The following STON1 variants were observed in gnomAD, a reference collection of about 807,000 sequenced individuals.
STON1 encodes stonin 1, also known as stonin-1.
Under a neutral mutation model 60.9 loss-of-function variants are expected in STON1, and 79 were observed. The observed-to-expected ratio is 1.30, with a 90% CI of 1.08 to 1.56. The LOEUF is 1.56. Among genes scored for constraint, STON1 ranks in the 40% most tolerant of loss-of-function variants. The pLI is 0.00. For synonymous variants in STON1, 363 were observed against 306.9 expected, an observed-to-expected ratio of 1.18 and a Z score of -1.91; for missense variants, 1,166 against 858.9, an observed-to-expected ratio of 1.36 and a Z score of -4.47.
At chr2:48,568,484 T>C (rs759325544) in intron 1 of STON1, among the ~76,000 whole-genome samples, 6 of 151,706 alleles carry the variant, frequency 4.0e-5, no homozygotes, top group Non-Finnish European at 7.4e-5. Context: ...ACTCTTGAGG[T>C]TGGAGGGGAG....
At chr2:48,550,954 C>T (rs1215974127) in intron 1 of STON1, among the ~76,000 whole-genome samples, 1 of 151,794 alleles carries the variant, frequency 6.6e-6, no homozygotes, top group Non-Finnish European at 1.5e-5. Context: ...CACTCTTTTT[C>T]TTTTCTTTTT....
chr2:48,582,502 A>C lies in STON1; in HGVS notation c.1869A>C (p.Lys623Asn). 1 of 1,614,186 alleles carries C rather than the reference A, an allele frequency of 6.2e-7. No homozygotes were observed. The highest frequency in any genetic ancestry group is 8.5e-7 in the Non-Finnish European group (1 of 1,179,998). The change falls in exon 2 of 4, where the codon AAA (lysine) becomes AAC (asparagine). Residue 623 changes from lysine (K) to asparagine (N), a missense_variant. Transcript: ENST00000404752. ...TTCAAGTCACTGTGGGGTCAGCAAAATATGAGAGTGCCTACCAGGCAGTGG... is the reference window on the plus strand; with the variant it reads ...TTCAAGTCACTGTGGGGTCAGCAAACTATGAGAGTGCCTACCAGGCAGTGG... ...PVIQVTVGSAKYESAYQAVVW... is the reference protein window; with the variant it reads ...PVIQVTVGSANYESAYQAVVW...
chr2:48,560,545 TGCCTCCTTCTGAAGGCCAGGGGTGG>T (rs1028693222), intron 1 of STON1, among the ~76,000 whole-genome samples: 11 of 152,352 alleles, frequency 7.2e-5, no homozygotes, highest in African/African-American at 2.4e-4. Context: ...CCTGCTTGTC[TGCCTCCTTCTGAAGGCCAGGGGTGG>T]GCTACATTTT....
At position 48,598,343 on chromosome 2, in the gene STON1, A is replaced by G. The variant is rs1282845428; in HGVS notation, c.*3041A>G. Reference sequence around the variant, plus strand: ...CTTGTGATACAGCCCCTTTTCTTATAAAGTCAGTTAGAAGGACTTCCTTAA... The same window carrying G: ...CTTGTGATACAGCCCCTTTTCTTATGAAGTCAGTTAGAAGGACTTCCTTAA... On this transcript the variant is annotated 3_prime_UTR_variant, in exon 4 of 4. Coordinates refer to ENST00000404752, the MANE Select transcript of STON1 (RefSeq NM_006873.4). 6.6e-6 allele frequency: 1 copy of G among 152,626 alleles called. No individual in the cohort carries two copies. The highest frequency in any genetic ancestry group is 1.5e-5 in the Non-Finnish European group (1 of 68,052). 9.5% of individuals were successfully genotyped at this position (152,626 alleles called of 1,614,324 possible).
chr2:48,553,168 G>C (rs940896252), intron 1 of STON1, among the ~76,000 whole-genome samples: 2 of 152,104 alleles, frequency 1.3e-5, no homozygotes, highest in African/African-American at 4.8e-5. Flanking sequence ...CAGTGACAGC[G>C]CCCACCAGAT....
intron 1 of STON1, among the ~76,000 whole-genome samples, chr2:48,564,489 C>CTTCTTCT (rs1672797119): frequency 4.0e-5 from 1 of 25,006 alleles, no homozygotes; most frequent in Admixed American, 4.0e-4. Context: ...CTTTCTTCTT[C>CTTCTTCT]TTCTTCTTCT....
At chr2:48,582,785 A>G (rs1199739328) in intron 2 of STON1, among the ~76,000 whole-genome samples, 1 of 152,206 alleles carries the variant, frequency 6.6e-6, no homozygotes, top group African/African-American at 2.4e-5. Context: ...TTTAAATATC[A>G]TACGAAATAC....
chr2:48,590,496 A>G (rs575771688), intron 2 of STON1, among the ~76,000 whole-genome samples: 1 of 152,284 alleles, frequency 6.6e-6, no homozygotes, highest in South Asian at 2.1e-4. Flanking sequence ...GGTTCTTGAA[A>G]TTACTCTTTA....
chr2:48,578,871 G>A (rs567872316), intron 1 of STON1, among the ~76,000 whole-genome samples: 9 of 152,080 alleles, frequency 5.9e-5, no homozygotes, highest in African/African-American at 9.6e-5. Context: ...GATTATAGGC[G>A]TGAGCCACTG....
chr2:48,564,476 C>CT (rs1558604671), intron 1 of STON1, among the ~76,000 whole-genome samples: 1 of 50,354 alleles, frequency 2.0e-5, no homozygotes, highest in African/African-American at 7.7e-5. Flanking sequence ...TCTTCTTCTT[C>CT]TTCTTTCTTC....
At chr2:48,549,759 G>A (rs1672014513) in intron 1 of STON1, among the ~76,000 whole-genome samples, 1 of 136,516 alleles carries the variant, frequency 7.3e-6, no homozygotes, top group Non-Finnish European at 1.5e-5. Context: ...GTTGCAGCAA[G>A]CCAAGATTGT....
intron 1 of STON1, among the ~76,000 whole-genome samples, chr2:48,571,857 G>A (rs11681426): frequency 0.33 from 49,410 of 151,960 alleles, 8,165 homozygotes; most frequent in East Asian, 0.42. Context: ...TAAGAGAAAC[G>A]GAAGCAAGTG....
chr2:48,544,326 GC>G, intron 1 of STON1, among the ~76,000 whole-genome samples: 1 of 152,250 alleles, frequency 6.6e-6, no homozygotes, highest in African/African-American at 2.4e-5. Context: ...CACAAAAATA[GC>G]TTTTCCATTG....
chr2:48,567,303 G>A (rs935502716), intron 1 of STON1, among the ~76,000 whole-genome samples: 6 of 152,182 alleles, frequency 3.9e-5, no homozygotes, highest in African/African-American at 1.4e-4. Flanking sequence ...TGAAGGTGAG[G>A]CTTTTTGATT....
chr2:48,552,752 A>G (rs1043553745), intron 1 of STON1, among the ~76,000 whole-genome samples: 1 of 152,238 alleles, frequency 6.6e-6, no homozygotes, highest in African/African-American at 2.4e-5. Context: ...CCTGGGCAAC[A>G]GAGTGAGACT....
At position 48,548,923 on chromosome 2, in the gene STON1, T is replaced by C. The variant is rs1050159518; in HGVS notation, c.-48+18707T>C. Among the ~76,000 whole-genome samples, 13 of 152,218 alleles carry C rather than the reference T, an allele frequency of 8.5e-5. 1 individual carries two copies. The highest frequency in any genetic ancestry group is 3.1e-4 in the African/African-American group (13 of 41,436). On this transcript the variant is annotated intron_variant, in intron 1 of 3. Coordinates refer to ENST00000404752, the MANE Select transcript of STON1 (RefSeq NM_006873.4). The stretch of plus-strand genomic sequence containing the variant: ...CTCTTGGTATCCGAGTGAATAGGAA[T>C]GTGGGCGGCTTCTAAGCTCCTTTGT...
At chr2:48,553,306 T>C (rs1275165609) in intron 1 of STON1, among the ~76,000 whole-genome samples, 1 of 152,098 alleles carries the variant, frequency 6.6e-6, no homozygotes, top group East Asian at 1.9e-4. Context: ...CTCAAGAGTT[T>C]AGACAGAAAG....
chr2:48,564,863 G>A (rs1009333801), intron 1 of STON1, among the ~76,000 whole-genome samples: 4 of 148,418 alleles, frequency 2.7e-5, no homozygotes, highest in South Asian at 2.1e-4. Context: ...CTCCTGAGTA[G>A]CTGGAATTAC....
chr2:48,582,189 C>A lies in STON1; in HGVS notation c.1556C>A (p.Thr519Asn). 6.2e-7 allele frequency: 1 copy of A among 1,614,156 alleles called. No individual in the cohort carries two copies. ...ACRFELMRFKTLYNGDNLPFS... is the reference protein window; with the variant it reads ...ACRFELMRFKNLYNGDNLPFS... ...CGGTTTGAGCTGATGCGTTTCAAGA[C>A]TTTGTATAATGGGGATAATCTTCCC... Residue 519 changes from threonine (T) to asparagine (N), a missense_variant, in exon 2 of 4, where the codon ACT becomes AAT. Physicochemically the swap from Thr to Asn is moderately conservative, Grantham distance 65 (BLOSUM62 0). Coordinates refer to ENST00000404752, the MANE Select transcript of STON1 (RefSeq NM_006873.4).
Sources: gnomAD v4.1 joint callset for allele counts (sites outside exome capture counted in the v4.1 genomes callset) on GRCh38, gnomAD v4.1.1 for gene constraint, MANE v1.5 for transcripts, NCBI Gene and HGNC (gene_info 2026-07-23, HGNC 2026-07-21) for gene names.